The following ZBTB45 variants were observed in gnomAD, a reference collection of about 807,000 sequenced individuals.
The protein encoded by ZBTB45 is zinc finger and BTB domain-containing protein 45.
In ZBTB45, 22 loss-of-function variants were observed where a neutral mutation model predicts 28.4. The ratio of observed to expected loss-of-function variants is 0.77; its 90% CI spans 0.55 to 1.10. ZBTB45 has a LOEUF of 1.10. Ranked by LOEUF, ZBTB45 falls within the 50% of genes least tolerant of loss-of-function variation. ZBTB45 has a pLI of 0.00. For missense variants in ZBTB45, 656 were observed against 750.2 expected, an observed-to-expected ratio of 0.87 and a Z score of 1.47; for synonymous variants, 361 against 332.3, an observed-to-expected ratio of 1.09 and a Z score of -0.94.
chr19:58,514,442 T>A (rs1246365483), intron 2 of ZBTB45, 132 bp from the exon 3 acceptor site: 1 of 1,179,558 alleles, frequency 8.5e-7, no homozygotes, highest in Admixed American at 2.9e-5. Context: ...CACCCCGGGA[T>A]CCCTTGCCTA....
At chr19:58,526,562 C>G (rs1283188564) in intron 1 of ZBTB45, among the ~76,000 whole-genome samples, 9 of 120,166 alleles carry the variant, frequency 7.5e-5, no homozygotes, top group Non-Finnish European at 1.2e-4. Context: ...GATGGAGTCT[C>G]GCTCTGTCGC....
Position 58,534,556 on chromosome 19 carries a change from ATT to A in ZBTB45, c.-1+4143_-1+4144del, listed in dbSNP as rs199647138. The stretch of plus-strand genomic sequence containing the variant: ...AGGCACGTGCCACCACGCCCAGCTA[ATT>A]TTTTTTTTTTTTTTTTGAGGCGGAG... On this transcript the variant is annotated intron_variant, in intron 1 of 1. Transcript: ENST00000600130. 4.8e-3 allele frequency among the ~76,000 whole-genome samples: 596 copies of A among 124,516 alleles called. 4 individuals are homozygous for A. The highest frequency in any genetic ancestry group is 0.014 in the African/African-American group (428 of 31,688). 81.7% of individuals were successfully genotyped at this position (124,516 alleles called of 152,430 possible). A position where few individuals can be genotyped will look rare whatever the true frequency, so the allele number is the denominator to read the frequency against.
intron 1 of ZBTB45, among the ~76,000 whole-genome samples, chr19:58,529,791 A>C (rs2053626598): frequency 6.6e-6 from 1 of 152,166 alleles, no homozygotes; most frequent in South Asian, 2.1e-4. Context: ...TATTTTACAT[A>C]AATGGAACCA....
intron 1 of ZBTB45, among the ~76,000 whole-genome samples, chr19:58,538,198 T>C (rs1353735594): frequency 1.3e-5 from 2 of 151,956 alleles, no homozygotes; most frequent in Non-Finnish European, 2.9e-5. Context: ...CACCAACTTT[T>C]TTTTTTTCTT....
At position 58,514,010 on chromosome 19, in the gene ZBTB45, G is replaced by C. The variant is rs973972630; in HGVS notation, c.*44C>G. 2 of 1,368,646 alleles carry C rather than the reference G, an allele frequency of 1.5e-6. No individual in the cohort carries two copies. Among genetic ancestry groups the C allele is most frequent in the Non-Finnish European group, 1.9e-6 (2 of 1,067,392 alleles). The allele number at this position is 1,368,646 out of a possible 1,614,324, so 84.8% of individuals were successfully genotyped here. On this transcript the variant is annotated 3_prime_UTR_variant, in exon 3 of 3. Transcript: ENST00000594051. ...CGCAGCGGGCGTGGCCGACTGTGCG[G>C]GAGGCCCCGGATCCACCGTGGGCGA...
At chr19:58,520,417 G>GA (rs571781841), upstream of ZBTB45, among the ~76,000 whole-genome samples, 44 of 152,188 alleles carry the variant, frequency 2.9e-4, no homozygotes, top group East Asian at 8.3e-3. Flanking sequence ...ATGGGGGACA[G>GA]AATTCCGAAA....
At chr19:58,521,621 T>C (rs1235031890), upstream of ZBTB45, among the ~76,000 whole-genome samples, 2 of 152,176 alleles carry the variant, frequency 1.3e-5, no homozygotes, top group Admixed American at 1.3e-4. Flanking sequence ...GTTTTGGTAA[T>C]TTGTTATAGT....
upstream of ZBTB45, among the ~76,000 whole-genome samples, chr19:58,523,409 G>A (rs148149626): frequency 4.5e-3 from 677 of 151,596 alleles, 4 homozygotes; most frequent in African/African-American, 0.015. Context: ...GGCCGAGCAC[G>A]GTGGCTCATG....
chr19:58,515,307 C>T lies in ZBTB45; in HGVS notation c.1280-997G>A, dbSNP rs570684151. On this transcript the variant is annotated intron_variant, in intron 2 of 2. Coordinates refer to ENST00000594051, the MANE Select transcript of ZBTB45 (RefSeq NM_001316979.2). This position sits in a 1 kb window ranked among gnomAD's most constrained non-coding sequence, Gnocchi z 4.7. ...CTCCAGCCTGGGCAACAGAGGGAGA[C>T]TCGGTCTCAAAAAAAATTAAAAAAA... 2.8e-5 allele frequency among the ~76,000 whole-genome samples: 4 copies of T among 145,124 alleles called. No individual in the cohort carries two copies. The East Asian group carries it at 5.9e-4, about 21-fold the overall frequency.
Position 58,516,946 on chromosome 19 carries a change from C to CCA in ZBTB45, c.726_727dup (p.Gly243ValfsTer81). 2.5e-6 allele frequency: 4 copies of CCA among 1,613,280 alleles called. No individual in the cohort carries two copies. Among genetic ancestry groups the CCA allele is most frequent in the Non-Finnish European group, 3.4e-6 (4 of 1,180,020 alleles). Reference sequence around the variant, plus strand: ...GCTGTCAGCAGCAGCAGTGAGGAAGCCAGCAGCACAGTCTGGGAAGGAAGG... The same window carrying CCA: ...GCTGTCAGCAGCAGCAGTGAGGAAGCCACAGCAGCACAGTCTGGGAAGGAAGG... On this transcript the variant is annotated frameshift_variant, in exon 2 of 3. Coordinates refer to ENST00000594051, the MANE Select transcript of ZBTB45 (RefSeq NM_001316979.2). LOFTEE classifies it high-confidence loss of function. This position sits in a 1 kb window ranked among gnomAD's most constrained non-coding sequence, Gnocchi z 6.2.
chr19:58,526,688 CG>C (rs2053609567), intron 1 of ZBTB45, among the ~76,000 whole-genome samples: 1 of 148,158 alleles, frequency 6.7e-6, no homozygotes, highest in African/African-American at 2.5e-5. Context: ...CCCGCCACTA[CG>C]CCCGGCTAAT....
intron 1 of ZBTB45, among the ~76,000 whole-genome samples, chr19:58,518,454 G>C (rs554844877): frequency 7.9e-4 from 120 of 152,230 alleles, no homozygotes; most frequent in Non-Finnish European, 1.5e-3. Flanking sequence ...CAGGGAGGTG[G>C]CTCCTGCAGC....
intron 1 of ZBTB45, among the ~76,000 whole-genome samples, chr19:58,533,846 G>A (rs1485262512): frequency 6.6e-6 from 1 of 152,210 alleles, no homozygotes; most frequent in Non-Finnish European, 1.5e-5. Context: ...ATAACAGCCT[G>A]AGCAGGAGGG....
chr19:58,532,327 G>T (rs1251877054), intron 1 of ZBTB45, among the ~76,000 whole-genome samples: 2 of 152,154 alleles, frequency 1.3e-5, no homozygotes, highest in Non-Finnish European at 2.9e-5. Flanking sequence ...AGATTACCTG[G>T]AATTATTTGG....
chr19:58,514,152 T>A lies in ZBTB45; in HGVS notation c.1438A>T (p.Thr480Ser). 6.2e-7 allele frequency: 1 copy of A among 1,609,738 alleles called. No homozygotes were observed. Among genetic ancestry groups the A allele is most frequent in the Non-Finnish European group, 8.5e-7 (1 of 1,178,722 alleles). ...CAGGGCGCGCGCTCGGGCCGGTGAG[T>A]GCGCATGTGCACGTTGAGCGAGCTC... ...QKSSLNVHMRTHRPERAPCPA... is the reference protein window; with the variant it reads ...QKSSLNVHMRSHRPERAPCPA... Residue 480 changes from threonine to serine, a missense_variant, in exon 3 of 3, where the codon ACT becomes TCT. Around this residue, in one of 3 missense-constraint regions of ZBTB45, gnomAD observed 103 missense variants for 153.5 expected, o/e 0.67. Transcript: ENST00000594051.
intron 1 of ZBTB45, among the ~76,000 whole-genome samples, chr19:58,537,037 T>G (rs2053663846): frequency 6.6e-6 from 1 of 152,014 alleles, no homozygotes; most frequent in Admixed American, 6.6e-5. Context: ...CCAACCAAGG[T>G]GCACTAGCGT....
intron 1 of ZBTB45, among the ~76,000 whole-genome samples, chr19:58,517,990 C>T (rs1165755811): frequency 6.6e-6 from 1 of 152,000 alleles, no homozygotes; most frequent in Non-Finnish European, 1.5e-5. Context: ...CCTTGGCCTA[C>T]TCTATGTTGA....
At chr19:58,530,599 C>G (rs1010095289) in intron 1 of ZBTB45, among the ~76,000 whole-genome samples, 2 of 152,144 alleles carry the variant, frequency 1.3e-5, no homozygotes, top group Non-Finnish European at 2.9e-5. Flanking sequence ...AGCCACCGTG[C>G]CTGGCCCTAC....
chr19:58,514,771 C>T (rs753858164), intron 2 of ZBTB45, among the ~76,000 whole-genome samples: 6 of 152,122 alleles, frequency 3.9e-5, no homozygotes, highest in Non-Finnish European at 7.4e-5. Context: ...CCTACCCACC[C>T]GGCACAGGGA....
Sources: allele counts gnomAD v4.1 joint callset (sites outside exome capture counted in the v4.1 genomes callset), GRCh38; gene constraint gnomAD v4.1.1; regional missense constraint gnomAD v4.1.1; non-coding constraint Gnocchi (gnomAD v3.1); transcripts MANE v1.5; gene names NCBI Gene and HGNC (gene_info 2026-07-23, HGNC 2026-07-21).